The following AFAP1L1 variants were observed in gnomAD, a reference collection of about 807,000 sequenced individuals.
The protein encoded by AFAP1L1 is actin filament-associated protein 1-like 1.
A neutral mutation model predicts 99.8 loss-of-function variants in AFAP1L1; 77 were observed. The ratio of observed to expected loss-of-function variants is 0.77; its 90% confidence interval spans 0.64 to 0.93. AFAP1L1 has a LOEUF of 0.93. Among genes scored for constraint, AFAP1L1 ranks in the 40% least tolerant of loss-of-function variants. AFAP1L1 has a pLI of 0.00. For missense variants in AFAP1L1, 893 were observed against 996.8 expected (o/e 0.90, Z 1.40); for synonymous variants, 373 against 395.3 (o/e 0.94, Z 0.67).
At chr5:149,316,412 GA>G in intron 11 of AFAP1L1, 109 bp downstream of exon 11, 1 of 1,383,160 alleles carries the variant, frequency 7.2e-7, no homozygotes, top group Non-Finnish European at 9.9e-7. Context: ...CAGGGCAGGG[GA>G]GGGAATCCAA....
intron 2 of AFAP1L1, 93 bp downstream of exon 2, chr5:149,299,730 C>T (rs1452683865): frequency 1.3e-5 from 20 of 1,545,628 alleles, no homozygotes; most frequent in Non-Finnish European, 1.7e-5. Context: ...GAACCCTCCG[C>T]CCCACCCCCA....
chr5:149,317,754 G>A lies in AFAP1L1; in HGVS notation c.1293G>A (p.Gln431=), dbSNP rs559123970. 75 of 1,614,050 alleles carry A rather than the reference G, an allele frequency of 4.6e-5. No individual in the cohort carries two copies. In the Middle Eastern group the frequency reaches 4.9e-4, roughly 11 times the overall value. ...CCGYLNVLVN[Q]GWKERWCRLK... is the part of the protein sequence containing the mutation. ...GCTACCTGAACGTGCTGGTGAACCA[G>A]GGCTGGAAGGAACGCTGGTGCCGCC... Residue 431 remains glutamine (Q), a synonymous_variant, in exon 12 of 19, where the codon CAG becomes CAA. Coordinates refer to ENST00000296721, the MANE Select transcript of AFAP1L1 (RefSeq NM_152406.4).
intron 17 of AFAP1L1, among the ~76,000 whole-genome samples, chr5:149,334,398 A>G (rs1757344864): frequency 6.6e-6 from 1 of 152,218 alleles, no homozygotes; most frequent in African/African-American, 2.4e-5. Flanking sequence ...ATGACCTGAT[A>G]TTCCCATTCC....
In AFAP1L1 at chr5:149,320,506, T is replaced by A; in HGVS notation, c.1698+43T>A. The A allele has an allele frequency of 6.5e-7, 1 of 1,550,218 alleles. No individual in the cohort carries two copies. The highest frequency in any genetic ancestry group is 1.7e-4 in the Middle Eastern group (1 of 5,946). ...TGCCCAGGAATGTGGCAAAGGCCAC[T>A]TATTAGCTCTCCCTCTTTCTGCTCC... On this transcript the variant is annotated intron_variant, in intron 14 of 18. Coordinates refer to ENST00000296721, the MANE Select transcript of AFAP1L1 (RefSeq NM_152406.4). The surrounding 1 kb of genome is among the most constrained non-coding windows in gnomAD (Gnocchi z 4.0).
At chr5:149,273,362 G>A (rs1755198604) in intron 1 of AFAP1L1, among the ~76,000 whole-genome samples, 1 of 151,986 alleles carries the variant, frequency 6.6e-6, no homozygotes, top group African/African-American at 2.4e-5. Flanking sequence ...GGAGCAATTA[G>A]CAGGCACTGG....
chr5:149,272,412 G>A (rs866958398), intron 1 of AFAP1L1, among the ~76,000 whole-genome samples: 2 of 152,082 alleles, frequency 1.3e-5, no homozygotes, highest in South Asian at 4.1e-4. Flanking sequence ...AGCTGCCTAG[G>A]GCATTGCGAG....
rs1757524576 is a variant in AFAP1L1, at chr5:149,340,256, T to G, written c.*226T>G. On this transcript the variant is annotated 3_prime_UTR_variant, in exon 19 of 19. Transcript: ENST00000296721. ...AGCATCCTTATGACTTTACAAAGGG[T>G]GGAAATGAGGATGGAGGGATACAGA... is the stretch of plus-strand genomic sequence containing the variant. 1.9e-5 allele frequency: 10 copies of G among 533,004 alleles called. 1 individual carries two copies. In the Admixed American group the frequency reaches 3.1e-4, roughly 16 times the overall value. 33.0% of individuals were successfully genotyped at this position (533,004 alleles called of 1,614,324 possible).
chr5:149,323,580 T>C (rs911660675), intron 15 of AFAP1L1, among the ~76,000 whole-genome samples: 2 of 152,268 alleles, frequency 1.3e-5, no homozygotes, highest in African/African-American at 4.8e-5. Context: ...TCTACTTTTA[T>C]TTTTTAATAC....
Position 149,316,209 on chromosome 5 carries a change from C to T in AFAP1L1, c.1173C>T (p.Gly391=), listed in dbSNP as rs147967184. 2 of 1,613,996 alleles carry T rather than the reference C, an allele frequency of 1.2e-6. No homozygotes were observed. Among genetic ancestry groups the T allele is most frequent in the African/African-American group, 2.7e-5 (2 of 74,900 alleles). ...ELKGSMSRAA[G]RKITRIIGFS... is the part of the protein sequence containing the mutation. ...AGGGCTCAATGAGCAGGGCTGCGGGCCGCAAGATCACCCGTATCATTGGCT... is the reference window on the plus strand; with the variant it reads ...AGGGCTCAATGAGCAGGGCTGCGGGTCGCAAGATCACCCGTATCATTGGCT... Residue 391 remains glycine, a synonymous_variant, in exon 11 of 19, where the codon GGC becomes GGT. Coordinates refer to ENST00000296721, the MANE Select transcript of AFAP1L1 (RefSeq NM_152406.4).
rs139252846 is a variant in AFAP1L1 at position 149,299,574 on chromosome 5, G to T, written c.82G>T (p.Asp28Tyr). The change falls in exon 2 of 19, where the codon GAT (aspartate) becomes TAT (tyrosine). Residue 28 changes from aspartate to tyrosine, a missense_variant. Asp to Tyr is a radical substitution (Grantham distance 160). Transcript: ENST00000296721. ...LSLLDHEYLSDTTLEKKMAVA... is the reference protein window; with the variant it reads ...LSLLDHEYLSYTTLEKKMAVA... ...CCTCCTGGACCACGAGTACCTCAGC[G>T]ATACCACCCTGGAAAAGAAGATGGC... is the stretch of plus-strand genomic sequence containing the variant. The T allele has an allele frequency of 1.9e-6, 3 of 1,614,098 alleles. No homozygotes were observed. In the South Asian group the frequency reaches 3.3e-5, roughly 18 times the overall value.
chr5:149,332,555 A>G, intron 16 of AFAP1L1, 140 bp from the exon 17 acceptor site: 1 of 849,228 alleles, frequency 1.2e-6, no homozygotes, highest in African/African-American at 1.7e-5. Flanking sequence ...TGGAACCCCA[A>G]ACCCAGAGTC....
intron 1 of AFAP1L1, among the ~76,000 whole-genome samples, chr5:149,280,817 C>T (rs1404814591): frequency 6.6e-6 from 1 of 152,152 alleles, no homozygotes; most frequent in Non-Finnish European, 1.5e-5. Flanking sequence ...TTCTCCCTCC[C>T]CTTCCCTCCC....
intron 7 of AFAP1L1, among the ~76,000 whole-genome samples, chr5:149,308,245 A>G (rs1344504834): frequency 6.6e-6 from 1 of 152,212 alleles, no homozygotes; most frequent in African/African-American, 2.4e-5. Context: ...GTTGTTTTTC[A>G]TTATGCAAGT....
chr5:149,300,221 A>T (rs765997306), intron 2 of AFAP1L1, 50 bp from the exon 3 acceptor site: 12 of 1,412,162 alleles, frequency 8.5e-6, no homozygotes, highest in Middle Eastern at 4.3e-4. Flanking sequence ...GACGGGGGAG[A>T]CCTGGTCCCT....
intron 16 of AFAP1L1, among the ~76,000 whole-genome samples, chr5:149,332,391 G>A (rs1368518756): frequency 3.7e-5 from 4 of 108,234 alleles, no homozygotes; most frequent in South Asian, 4.9e-4. Flanking sequence ...GCGAGACTCC[G>A]TCTCAAAAAA....
At chr5:149,317,999 C>T (rs996251693) in intron 12 of AFAP1L1, 59 bp downstream of exon 12, 85 of 1,523,612 alleles carry the variant, frequency 5.6e-5, no homozygotes, top group Non-Finnish European at 7.2e-5. Context: ...GCCTGAGTGT[C>T]ATGTTTTTGT....
At chr5:149,332,568 T>A in intron 16 of AFAP1L1, 127 bp from the exon 17 acceptor site, 1 of 963,610 alleles carries the variant, frequency 1.0e-6, no homozygotes, top group South Asian at 1.7e-5. Context: ...CCAGAGTCCA[T>A]CTCTTAACCA....
intron 18 of AFAP1L1, among the ~76,000 whole-genome samples, chr5:149,338,598 A>G (rs752706091): frequency 2.2e-4 from 34 of 152,246 alleles, no homozygotes; most frequent in Admixed American, 1.5e-3. Context: ...TTGAAGACCT[A>G]CCATATGCCA....
chr5:149,309,871 G>C, intron 7 of AFAP1L1, 85 bp from the exon 8 acceptor site: 1 of 1,576,840 alleles, frequency 6.3e-7, no homozygotes. Flanking sequence ...GGGAGGTCGG[G>C]CTTCCCCCGA....
Sources: allele counts gnomAD v4.1 joint callset (sites outside exome capture counted in the v4.1 genomes callset), GRCh38; gene constraint gnomAD v4.1.1; non-coding constraint Gnocchi (gnomAD v3.1); transcripts MANE v1.5; gene names NCBI Gene and HGNC (gene_info 2026-07-23, HGNC 2026-07-21).